Variants in NR2F1-AS1 observed in about 807,000 individuals in gnomAD.
The protein encoded by NR2F1-AS1 is NR2F1 regulatory antisense RNA 1, also known as NR2F1 antisense RNA 1.
chr5:93,581,727 TCTCTCTCCCCCTCTCC>T (rs1753053866), upstream of NR2F1-AS1, among the ~76,000 whole-genome samples: 2 of 44,106 alleles, frequency 4.5e-5, no homozygotes, highest in Non-Finnish European at 4.0e-5. Context: ...TCTCTCTCTC[TCTCTCTCCCCCTCTCC>T]CTCTCCCTCT....
upstream of NR2F1-AS1, among the ~76,000 whole-genome samples, chr5:93,582,759 G>A (rs1753133177): frequency 8.2e-6 from 1 of 121,306 alleles, no homozygotes; most frequent in Non-Finnish European, 1.7e-5. Flanking sequence ...CCCCCTCTGG[G>A]GTGTGAGCGT....
chr5:93,491,373 G>A (rs1012741458), intron 4 of NR2F1-AS1, among the ~76,000 whole-genome samples: 25 of 143,228 alleles, frequency 1.7e-4, no homozygotes, highest in Non-Finnish European at 6.2e-5. Flanking sequence ...GATGGTGGGG[G>A]GGTGGTGGTG....
At chr5:93,520,581 CA>C (rs2149895112) in intron 4 of NR2F1-AS1, among the ~76,000 whole-genome samples, 1 of 152,182 alleles carries the variant, frequency 6.6e-6, no homozygotes, top group Admixed American at 6.5e-5. Context: ...ACCAGATTTT[CA>C]ACCTATAAAC....
chr5:93,444,109 AAGACCATCAATGCTAGGAAG>A, intron 4 of NR2F1-AS1, among the ~76,000 whole-genome samples: 1 of 152,354 alleles, frequency 6.6e-6, no homozygotes, highest in East Asian at 1.9e-4. Flanking sequence ...ACAAATTGTA[AAGACCATCAATGCTAGGAAG>A]AAACTGCATC....
intron 4 of NR2F1-AS1, among the ~76,000 whole-genome samples, chr5:93,530,430 G>A (rs983064803): frequency 6.6e-6 from 1 of 152,038 alleles, no homozygotes; most frequent in Non-Finnish European, 1.5e-5. Flanking sequence ...CCAGTAATAC[G>A]AATCTCTGGT....
intron 4 of NR2F1-AS1, chr5:93,422,342 G>T (rs1325391659): frequency 6.6e-6 from 1 of 152,282 alleles, no homozygotes; most frequent in Non-Finnish European, 1.5e-5. Context: ...AATTGGATCT[G>T]GTGTGTGCTG....
At chr5:93,452,732 G>A (rs767760046) in intron 4 of NR2F1-AS1, among the ~76,000 whole-genome samples, 2 of 152,134 alleles carry the variant, frequency 1.3e-5, no homozygotes, top group African/African-American at 2.4e-5. Context: ...TAGTACAGGA[G>A]GTATTTGTAG....
chr5:93,440,561 C>T (rs1749546023), intron 4 of NR2F1-AS1, among the ~76,000 whole-genome samples: 1 of 152,214 alleles, frequency 6.6e-6, no homozygotes, highest in African/African-American at 2.4e-5. Context: ...GACCTTCAGA[C>T]TCCAGCTGGA....
intron 4 of NR2F1-AS1, among the ~76,000 whole-genome samples, chr5:93,439,071 T>C (rs1749502472): frequency 6.6e-6 from 1 of 152,198 alleles, no homozygotes; most frequent in Non-Finnish European, 1.5e-5. Flanking sequence ...GGAAAAAAGA[T>C]TTGAATCTGA....
chr5:93,416,261 T>C (rs1748965689), intron 4 of NR2F1-AS1, among the ~76,000 whole-genome samples: 1 of 152,260 alleles, frequency 6.6e-6, no homozygotes, highest in African/African-American at 2.4e-5. Context: ...TTCTAGTTAA[T>C]ATAAAAAGCT....
intron 4 of NR2F1-AS1, among the ~76,000 whole-genome samples, chr5:93,510,433 T>TC (rs1394376172): frequency 4.6e-5 from 7 of 152,246 alleles, no homozygotes; most frequent in African/African-American, 1.4e-4. Flanking sequence ...ATCTAACTCC[T>TC]CCTCCTTGCC....
At chr5:93,530,869 T>C (rs1430724136) in intron 4 of NR2F1-AS1, among the ~76,000 whole-genome samples, 3 of 152,156 alleles carry the variant, frequency 2.0e-5, no homozygotes, top group Non-Finnish European at 1.5e-5. Context: ...CAGTGATTTG[T>C]CTAAGGTTAC....
chr5:93,581,921 TCTCTCTCTCTGGGTCTCTCTCTCTCTC>T (rs1580354988), upstream of NR2F1-AS1, among the ~76,000 whole-genome samples: 2 of 112,732 alleles, frequency 1.8e-5, no homozygotes, highest in Non-Finnish European at 3.6e-5. Flanking sequence ...TCTCTCTCTC[TCTCTCTCTCTGGGTCTCTCTCTCTCTC>T]CTCTCTCTCT....
At chr5:93,585,302 G>C (rs774052702), upstream of NR2F1-AS1, 1 of 1,610,390 alleles carries the variant, frequency 6.2e-7, no homozygotes, top group South Asian at 1.1e-5. Context: ...GGGACAAGTC[G>C]AGCGGCAAGC....
At chr5:93,583,060 C>T (rs747993843), upstream of NR2F1-AS1, among the ~76,000 whole-genome samples, 2 of 152,176 alleles carry the variant, frequency 1.3e-5, no homozygotes, top group Middle Eastern at 3.2e-3. Flanking sequence ...CGATTCAGGG[C>T]TCTGACCAGT....
chr5:93,458,700 A>T (rs1295068483), intron 4 of NR2F1-AS1, among the ~76,000 whole-genome samples: 1 of 152,164 alleles, frequency 6.6e-6, no homozygotes, highest in Non-Finnish European at 1.5e-5. Flanking sequence ...TTTGTTTTTC[A>T]AAAAACCGTT....
At chr5:93,479,322 T>A (rs1176079950) in intron 4 of NR2F1-AS1, among the ~76,000 whole-genome samples, 1 of 152,200 alleles carries the variant, frequency 6.6e-6, no homozygotes, top group African/African-American at 2.4e-5. Flanking sequence ...TTCCCAGGCA[T>A]CAGCTGAAGG....
chr5:93,531,844 A>G (rs1751742765), intron 4 of NR2F1-AS1, among the ~76,000 whole-genome samples: 2 of 152,224 alleles, frequency 1.3e-5, no homozygotes, highest in African/African-American at 4.8e-5. Context: ...CAGTTCTTCA[A>G]GCCAAGCTCT....
chr5:93,423,874 A>C (rs1261865352), intron 4 of NR2F1-AS1, among the ~76,000 whole-genome samples: 1 of 152,116 alleles, frequency 6.6e-6, no homozygotes, highest in Non-Finnish European at 1.5e-5. Flanking sequence ...CTTCTGTAAA[A>C]TTATCGTCTC....
Sources: allele counts gnomAD v4.1 joint callset (sites outside exome capture counted in the v4.1 genomes callset), GRCh38; gene constraint gnomAD v4.1.1; transcripts MANE v1.5; gene names NCBI Gene and HGNC (gene_info 2026-07-23, HGNC 2026-07-21).